The following RP9 variants were observed in gnomAD, a reference collection of about 807,000 sequenced individuals.
The protein encoded by RP9 is RP9 pre-mRNA splicing factor.
RP9 carries 23 observed loss-of-function variants against 32.6 expected under a neutral mutation model. The ratio of observed to expected loss-of-function variants is 0.71; its 90% CI spans 0.51 to 1.00. The LOEUF is 1.00. Ranked by LOEUF, RP9 falls within the 50% of genes least tolerant of loss-of-function variation. The pLI is 0.00. For missense variants in RP9, 245 were observed against 285.3 expected, an observed-to-expected ratio of 0.86 and a Z score of 1.02; for synonymous variants, 94 against 103.6, an observed-to-expected ratio of 0.91 and a Z score of 0.56.
Position 33,095,037 on chromosome 7 carries a change from G to C in RP9, c.*197C>G. 1.7e-6 allele frequency: 1 copy of C among 604,604 alleles called. No homozygotes were observed. Among genetic ancestry groups the C allele is most frequent in the Non-Finnish European group, 3.0e-6 (1 of 335,262 alleles). 37.5% of individuals were successfully genotyped at this position (604,604 alleles called of 1,614,324 possible). A position where few individuals can be genotyped will look rare whatever the true frequency, so the allele number is the denominator to read the frequency against. ...ACTTTCCTGCCTAAAATCAGCTGCT[G>C]TCCAGAGCTAGCACCTGGAAGGAGA... On this transcript the variant is annotated 3_prime_UTR_variant, in exon 6 of 6. Transcript: ENST00000297157.
Position 33,109,238 on chromosome 7 carries a change from G to T in RP9, c.135C>A (p.Leu45=), listed in dbSNP as rs1562623221. 1 of 1,497,562 alleles carries T rather than the reference G, an allele frequency of 6.7e-7. No individual in the cohort carries two copies. The highest frequency in any genetic ancestry group is 2.8e-5 in the East Asian group (1 of 35,498). 92.8% of individuals were successfully genotyped at this position (1,497,562 alleles called of 1,614,324 possible). ...GGACTCACAAGGACTCCAGGTGCTT[G>T]AGCTGCTGCAGCTGCTGCGCGTCGT... The part of the protein sequence containing the change: ...RRHDAQQLQQ[L]KHLESFYEKP... The change falls in exon 1 of 6, where the codon CTC becomes CTA. Residue 45 remains leucine (L), a synonymous_variant. Coordinates refer to ENST00000297157, the MANE Select transcript of RP9 (RefSeq NM_203288.2). This position sits in a 1 kb window ranked among gnomAD's most constrained non-coding sequence, Gnocchi z 4.9.
intron 2 of RP9, chr7:33,100,327 G>A: frequency 1.6e-6 from 1 of 631,532 alleles, no homozygotes; most frequent in Non-Finnish European, 2.8e-6. Flanking sequence ...GTTCTTCAGG[G>A]AAGGGAAACA....
chr7:33,096,666 G>A, intron 4 of RP9, 112 bp from the exon 5 acceptor site: 1 of 785,886 alleles, frequency 1.3e-6, no homozygotes. Flanking sequence ...ACTGTTTGAT[G>A]TAGCTGCATG....
rs778735364 is a variant in RP9, at chr7:33,095,239, C to T, written c.661G>A (p.Glu221Lys). The T allele has an allele frequency of 6.2e-7, 1 of 1,608,440 alleles. No individual in the cohort carries two copies. Among genetic ancestry groups the T allele is most frequent in the Non-Finnish European group, 8.5e-7 (1 of 1,174,976 alleles). Residue 221 changes from glutamate to lysine, a missense_variant, in exon 6 of 6, where the codon GAG (glutamate) becomes AAG (lysine). Transcript: ENST00000297157. The part of the protein sequence containing the change: ...SSKSNEGSDS[E>K] ...TTGAACAAGTCACATCCTTGTCACT[C>T]TGAGTCAGAACCCTCATTTGACTTG...
chr7:33,106,852 G>A (rs529804788), intron 1 of RP9, among the ~76,000 whole-genome samples: 1 of 151,942 alleles, frequency 6.6e-6, no homozygotes, highest in Admixed American at 6.5e-5. Flanking sequence ...GCAGAGACAG[G>A]AGAATCGCTT....
intron 1 of RP9, among the ~76,000 whole-genome samples, chr7:33,108,366 G>A (rs1788528534): frequency 6.6e-6 from 1 of 152,206 alleles, no homozygotes. Context: ...GACTGCAAAA[G>A]ACAAGAATGC....
At chr7:33,097,077 CCTTTT>C (rs921596743) in intron 4 of RP9, among the ~76,000 whole-genome samples, 189 bp downstream of exon 4, 1 of 152,168 alleles carries the variant, frequency 6.6e-6, no homozygotes, top group Non-Finnish European at 1.5e-5. Flanking sequence ...AATAAGAATT[CCTTTT>C]TTTTGTAAAA....
At chr7:33,100,997 T>C (rs1584001890) in intron 1 of RP9, 1 of 322,650 alleles carries the variant, frequency 3.1e-6, no homozygotes, top group East Asian at 8.0e-5. Context: ...CTTTAAACCT[T>C]TAGGGAAGTA....
chr7:33,096,063 G>A (rs1788329471), intron 5 of RP9, among the ~76,000 whole-genome samples: 1 of 152,170 alleles, frequency 6.6e-6, no homozygotes, highest in African/African-American at 2.4e-5. Context: ...CAAACGCCTG[G>A]ACTTCAGCGA....
At position 33,099,389 on chromosome 7, in the gene RP9, A is replaced by G. The variant is rs1448326132; in HGVS notation, c.231T>C (p.Asn77=). The G allele has an allele frequency of 2.5e-6, 4 of 1,613,216 alleles. No individual in the cohort carries two copies. The highest frequency in any genetic ancestry group is 3.4e-6 in the Non-Finnish European group (4 of 1,179,922). ...PEDCIPDVPG[N]EHAREFLAHA... is the part of the protein sequence containing the mutation. Reference sequence around the variant, plus strand: ...GAGCCAGAAATTCCCTGGCGTGTTCATTGCCTGGTACATCTGGTATGCAAT... The same window carrying G: ...GAGCCAGAAATTCCCTGGCGTGTTCGTTGCCTGGTACATCTGGTATGCAAT... Residue 77 remains asparagine, a synonymous_variant, in exon 3 of 6, where the codon AAT becomes AAC. Transcript: ENST00000297157.
chr7:33,105,012 T>C (rs958567886), intron 1 of RP9, among the ~76,000 whole-genome samples: 2 of 152,196 alleles, frequency 1.3e-5, no homozygotes, highest in Non-Finnish European at 2.9e-5. Flanking sequence ...CATAGGAAGT[T>C]GCAGAATTGG....
At chr7:33,095,790 A>C (rs1367038402) in intron 5 of RP9, among the ~76,000 whole-genome samples, 1 of 152,142 alleles carries the variant, frequency 6.6e-6, no homozygotes, top group Non-Finnish European at 1.5e-5. Flanking sequence ...TTGAAAAAAC[A>C]AACCCTCCAA....
intron 2 of RP9, chr7:33,100,274 G>C: frequency 1.8e-6 from 1 of 558,832 alleles, no homozygotes; most frequent in South Asian, 2.1e-5. Flanking sequence ...CCCAGCAAGA[G>C]AGAAGAGGGG....
intron 1 of RP9, among the ~76,000 whole-genome samples, chr7:33,102,258 ATACAGAT>A (rs1359265639): frequency 1.3e-5 from 2 of 152,252 alleles, no homozygotes; most frequent in Non-Finnish European, 1.5e-5. Context: ...TAACTACTAA[ATACAGAT>A]TAGAAAACTG....
chr7:33,098,662 C>A (rs762415667), intron 3 of RP9, among the ~76,000 whole-genome samples: 1 of 152,174 alleles, frequency 6.6e-6, no homozygotes, highest in African/African-American at 2.4e-5. Flanking sequence ...AACTCTGAGG[C>A]ACGTTGTCTT....
In RP9 at chr7:33,109,320, G is replaced by A; in HGVS notation, c.53C>T (p.Pro18Leu). The A allele has an allele frequency of 3.4e-6, 5 of 1,460,994 alleles. No individual in the cohort carries two copies. The highest frequency in any genetic ancestry group is 3.6e-6 in the Non-Finnish European group (4 of 1,110,850). 90.5% of individuals were successfully genotyped at this position (1,460,994 alleles called of 1,614,324 possible). The part of the protein sequence containing the change: ...EDVGAAGARR[P>L]REPPEQELQR... ...CAGCTCCTGCTCCGGCGGCTCACGCGGCCGCCGCGCGCCCGCAGCCCCCAC... is the reference window on the plus strand; with the variant it reads ...CAGCTCCTGCTCCGGCGGCTCACGCAGCCGCCGCGCGCCCGCAGCCCCCAC... The change falls in exon 1 of 6, where the codon CCG (proline) becomes CTG (leucine). Residue 18 changes from proline (P) to leucine (L), a missense_variant. Coordinates refer to ENST00000297157, the MANE Select transcript of RP9 (RefSeq NM_203288.2). This position sits in a 1 kb window ranked among gnomAD's most constrained non-coding sequence, Gnocchi z 4.9.
At chr7:33,100,464 C>T in intron 2 of RP9, 67 bp downstream of exon 2, 1 of 1,308,966 alleles carries the variant, frequency 7.6e-7, no homozygotes, top group South Asian at 1.2e-5. Flanking sequence ...AATTATTTTT[C>T]ATAACAAGTT....
At chr7:33,101,223 C>T (rs562307477) in intron 1 of RP9, among the ~76,000 whole-genome samples, 16 of 152,182 alleles carry the variant, frequency 1.1e-4, no homozygotes, top group Non-Finnish European at 2.2e-4. Flanking sequence ...TTCGGACTCT[C>T]GTCTTATGCA....
Position 33,104,321 on chromosome 7 carries a change from G to A in RP9, c.153-3760C>T, listed in dbSNP as rs139412459. On this transcript the variant is annotated intron_variant, in intron 1 of 5. Transcript: ENST00000297157. ...GCCCACTTGAGGGTGGAGGGCAGGC[G>A]GAGGGTGAGCATCAGAAAAAATAAC... 4.6e-3 allele frequency among the ~76,000 whole-genome samples: 697 copies of A among 152,254 alleles called. 4 individuals are homozygous for A. Among genetic ancestry groups the A allele is most frequent in the African/African-American group, 0.016 (656 of 41,526 alleles).
Sources: allele counts gnomAD v4.1 joint callset (sites outside exome capture counted in the v4.1 genomes callset), GRCh38; gene constraint gnomAD v4.1.1; non-coding constraint Gnocchi (gnomAD v3.1); transcripts MANE v1.5; gene names NCBI Gene and HGNC (gene_info 2026-07-23, HGNC 2026-07-21).